DIAPH3: variants seen among roughly 807,000 people sequenced by gnomAD.
DIAPH3 encodes diaphanous related formin 3, also known as protein diaphanous homolog 3.
A neutral mutation model predicts 144.3 loss-of-function variants in DIAPH3; 117 were observed. That is an observed-to-expected ratio of 0.81 (90% confidence interval 0.70 to 0.95). The LOEUF (loss-of-function observed/expected upper bound fraction) is 0.95, where lower values mean the gene tolerates loss of function less well. Among genes scored for constraint, DIAPH3 ranks in the 40% least tolerant of loss-of-function variants. DIAPH3 has a pLI of 0.00. For synonymous variants in DIAPH3, 519 were observed against 488.9 expected, an observed-to-expected ratio of 1.06 and a Z score of -0.81; for missense variants, 1,421 against 1,412.7, an observed-to-expected ratio of 1.01 and a Z score of -0.09.
At chr13:59,771,269 A>G (rs2038103423) in intron 27 of DIAPH3, among the ~76,000 whole-genome samples, 1 of 152,180 alleles carries the variant, frequency 6.6e-6, no homozygotes, top group Non-Finnish European at 1.5e-5. Context: ...ATAAAAAATT[A>G]AAATTGCAGC....
At chr13:59,756,420 GGAAGGAAGGAAGGAAGGAAGGAAA>G (rs1175613863) in intron 27 of DIAPH3, among the ~76,000 whole-genome samples, 13 of 134,436 alleles carry the variant, frequency 9.7e-5, no homozygotes, top group South Asian at 4.9e-4. Flanking sequence ...AAGGAAGGAA[GGAAGGAAGGAAGGAAGGAAGGAAA>G]GAAGGAAGGA....
At chr13:59,689,330 C>T (rs2138675423) in intron 27 of DIAPH3, among the ~76,000 whole-genome samples, 1 of 151,950 alleles carries the variant, frequency 6.6e-6, no homozygotes, top group East Asian at 1.9e-4. Flanking sequence ...CCTTCTTCAC[C>T]CACACAAGAG....
intron 27 of DIAPH3, among the ~76,000 whole-genome samples, chr13:59,761,036 C>T (rs148955719): frequency 2.6e-5 from 4 of 152,204 alleles, no homozygotes; most frequent in African/African-American, 9.6e-5. Flanking sequence ...TACATCATGG[C>T]TAACACTAAT....
intron 5 of DIAPH3, among the ~76,000 whole-genome samples, chr13:60,019,850 C>G (rs2053891830): frequency 6.6e-6 from 1 of 152,182 alleles, no homozygotes; most frequent in African/African-American, 2.4e-5. Context: ...AGATTTACCT[C>G]CTGGCCAAAA....
At chr13:60,108,443 TA>T (rs2058479674) in intron 3 of DIAPH3, among the ~76,000 whole-genome samples, 1 of 152,022 alleles carries the variant, frequency 6.6e-6, no homozygotes, top group East Asian at 1.9e-4. Flanking sequence ...ACCACATCTC[TA>T]CCAAAAATAC....
intron 17 of DIAPH3, among the ~76,000 whole-genome samples, chr13:59,933,951 T>C (rs1594043027): frequency 6.6e-6 from 1 of 152,224 alleles, no homozygotes; most frequent in African/African-American, 2.4e-5. Flanking sequence ...CACATGGTTA[T>C]ACATATTATT....
chr13:59,928,934 T>C (rs888338903), intron 17 of DIAPH3, among the ~76,000 whole-genome samples: 3 of 152,164 alleles, frequency 2.0e-5, no homozygotes, highest in African/African-American at 2.4e-5. Flanking sequence ...AGTCCCACAC[T>C]GGAGGTGGCG....
At chr13:59,911,913 T>G in intron 19 of DIAPH3, 77 bp from the exon 20 acceptor site, 1 of 1,144,576 alleles carries the variant, frequency 8.7e-7, no homozygotes, top group East Asian at 2.6e-5. Context: ...TAAAAACTAC[T>G]GAAAGAAAAC....
intron 27 of DIAPH3, among the ~76,000 whole-genome samples, chr13:59,692,567 T>C (rs2033588999): frequency 6.6e-6 from 1 of 152,132 alleles, no homozygotes; most frequent in Non-Finnish European, 1.5e-5. Flanking sequence ...GTTATAGTCA[T>C]AGAACCTTAG....
chr13:60,043,814 G>A lies in DIAPH3; in HGVS notation c.496-994C>T, dbSNP rs375367580. ...AGAAACAGGCAATACATAAAATAACGAAAATGCATTGCACTGTAAATAATA... is the reference window on the plus strand; with the variant it reads ...AGAAACAGGCAATACATAAAATAACAAAAATGCATTGCACTGTAAATAATA... On this transcript the variant is annotated intron_variant, in intron 4 of 27. Transcript: ENST00000400324. Among the ~76,000 whole-genome samples the A allele has an allele frequency of 2.1e-4, 32 of 152,210 alleles. 1 individual carries two copies. Among genetic ancestry groups the A allele is most frequent in the African/African-American group, 7.0e-4 (29 of 41,536 alleles).
chr13:59,945,924 A>G (rs1266242870), intron 17 of DIAPH3, among the ~76,000 whole-genome samples: 2 of 152,232 alleles, frequency 1.3e-5, no homozygotes, highest in African/African-American at 2.4e-5. Flanking sequence ...CATATTAAAA[A>G]TATGCTTACG....
intron 22 of DIAPH3, among the ~76,000 whole-genome samples, chr13:59,856,015 T>C (rs1383859846): frequency 2.6e-5 from 4 of 152,158 alleles, no homozygotes; most frequent in African/African-American, 7.2e-5. Context: ...GATCTAATCC[T>C]GAAATTAAAT....
At chr13:59,755,908 A>G (rs1218442681) in intron 27 of DIAPH3, among the ~76,000 whole-genome samples, 6 of 152,218 alleles carry the variant, frequency 3.9e-5, no homozygotes, top group Non-Finnish European at 8.8e-5. Flanking sequence ...TATAAAAATA[A>G]TAGCTATTAT....
At chr13:60,133,850 G>A (rs997328021) in intron 1 of DIAPH3, among the ~76,000 whole-genome samples, 41 of 152,236 alleles carry the variant, frequency 2.7e-4, no homozygotes, top group African/African-American at 9.1e-4. Context: ...GGCAGGGAAA[G>A]GGTCAAACAC....
chr13:59,951,662 T>A (rs766765140), intron 17 of DIAPH3, among the ~76,000 whole-genome samples: 3 of 152,182 alleles, frequency 2.0e-5, no homozygotes, highest in African/African-American at 7.2e-5. Flanking sequence ...ATATACTTGA[T>A]TTTCTGTTAT....
At position 59,805,207 on chromosome 13, in the gene DIAPH3, C is replaced by T. The variant is rs543259594; in HGVS notation, c.3163+5581G>A. 2.6e-5 allele frequency among the ~76,000 whole-genome samples: 4 copies of T among 152,160 alleles called. No individual in the cohort carries two copies. In the East Asian group the frequency reaches 7.7e-4, roughly 29 times the overall value. ...TTACTTCCCCCACAAAACATAATTA[C>T]ACAACACTGGGTCCATTTCAAGGCC... On this transcript the variant is annotated intron_variant, in intron 25 of 27. Transcript: ENST00000400324.
chr13:60,088,005 A>G lies in DIAPH3; in HGVS notation c.495+5623T>C, dbSNP rs535088567. Among the ~76,000 whole-genome samples the G allele has an allele frequency of 8.5e-5, 13 of 152,272 alleles. No individual in the cohort carries two copies. The South Asian group carries it at 2.5e-3, about 29-fold the overall frequency. ...TTCAGAAGGGCTTTTAATTAGAAGT[A>G]CAAAGTTCAAAGAGAAATGTTTAAA... On this transcript the variant is annotated intron_variant, in intron 4 of 27. Transcript: ENST00000400324.
Position 59,992,671 on chromosome 13 carries a change from T to C in DIAPH3, c.1015-88A>G, listed in dbSNP as rs1746397217. On this transcript the variant is annotated intron_variant, in intron 9 of 27. Coordinates refer to ENST00000400324, the MANE Select transcript of DIAPH3 (RefSeq NM_001042517.2). ...TAAACTTCAAGGTTTTGTTCCAGCA[T>C]TATTAAATATCTTTCCTATTAAAAC... The C allele has an allele frequency of 6.0e-6, 6 of 999,866 alleles. No individual in the cohort carries two copies. In the East Asian group the frequency reaches 1.6e-4, roughly 26 times the overall value. 61.9% of individuals were successfully genotyped at this position (999,866 alleles called of 1,614,324 possible). A position where few individuals can be genotyped will look rare whatever the true frequency, so the allele number is the denominator to read the frequency against.
At chr13:59,730,120 C>T (rs961372081) in intron 27 of DIAPH3, among the ~76,000 whole-genome samples, 1 of 152,060 alleles carries the variant, frequency 6.6e-6, no homozygotes, top group Non-Finnish European at 1.5e-5. Context: ...TTAAATGTGA[C>T]ATTTCACATA....
Sources: allele counts gnomAD v4.1 joint callset (sites outside exome capture counted in the v4.1 genomes callset), GRCh38; gene constraint gnomAD v4.1.1; transcripts MANE v1.5; gene names NCBI Gene and HGNC (gene_info 2026-07-23, HGNC 2026-07-21).